The following AHCYL2 variants were observed in gnomAD, a reference collection of about 807,000 sequenced individuals.
The protein encoded by AHCYL2 is adenosylhomocysteinase like 2, also known as S-adenosylhomocysteine hydrolase-like protein 2.
Under a neutral mutation model 81.4 loss-of-function variants are expected in AHCYL2, and 28 were observed. The ratio of observed to expected loss-of-function variants is 0.34; its 90% confidence interval spans 0.25 to 0.47. The LOEUF (loss-of-function observed/expected upper bound fraction) is 0.47. Ranked by LOEUF, AHCYL2 falls within the 20% of genes least tolerant of loss-of-function variation. AHCYL2 has a pLI of 1.00. For synonymous variants in AHCYL2, 272 were observed against 290.2 expected (o/e 0.94, Z 0.64); for missense variants, 551 against 785.1 (o/e 0.70, Z 3.56).
At chr7:129,284,793 A>G (rs941709763) in intron 1 of AHCYL2, among the ~76,000 whole-genome samples, 2 of 152,178 alleles carry the variant, frequency 1.3e-5, no homozygotes, top group Non-Finnish European at 1.5e-5. Context: ...TGGAAATGAA[A>G]AAACTAAAAA....
At chr7:129,298,845 A>G (rs1797142610) in intron 1 of AHCYL2, among the ~76,000 whole-genome samples, 1 of 152,230 alleles carries the variant, frequency 6.6e-6, no homozygotes, top group African/African-American at 2.4e-5. Flanking sequence ...AATAATTATC[A>G]CAATCATTAC....
In AHCYL2 at chr7:129,427,212, T is replaced by C. The variant is rs4728164; in HGVS notation, c.*167T>C. 239,271 of 694,538 alleles carry C rather than the reference T, an allele frequency of 0.34. 44,608 individuals carry two copies. The highest frequency in any genetic ancestry group is 0.59 in the East Asian group (20,542 of 34,768). 43.0% of individuals were successfully genotyped at this position (694,538 alleles called of 1,614,324 possible). A position where few individuals can be genotyped will look rare whatever the true frequency, so the allele number is the denominator to read the frequency against. ...ATTAAAATCAAGAATCCTGTGCCTGTAGTGTTGGCCCAGAGTGTGGTTACT... is the reference window on the plus strand; with the variant it reads ...ATTAAAATCAAGAATCCTGTGCCTGCAGTGTTGGCCCAGAGTGTGGTTACT... On this transcript the variant is annotated 3_prime_UTR_variant, in exon 17 of 17. Coordinates refer to ENST00000325006, the MANE Select transcript of AHCYL2 (RefSeq NM_015328.4). The surrounding 1 kb of genome is among the most constrained non-coding windows in gnomAD (Gnocchi z 5.5).
intron 1 of AHCYL2, among the ~76,000 whole-genome samples, chr7:129,284,458 G>C (rs1796556032): frequency 6.6e-6 from 1 of 152,120 alleles, no homozygotes; most frequent in Non-Finnish European, 1.5e-5. Context: ...AATTAGCTGG[G>C]CATGGTGGCA....
At chr7:129,396,834 C>T (rs1306250890) in intron 4 of AHCYL2, among the ~76,000 whole-genome samples, 2 of 152,224 alleles carry the variant, frequency 1.3e-5, no homozygotes, top group African/African-American at 4.8e-5. Context: ...GTCCTCCCAC[C>T]TCAGCCTTCC....
intron 1 of AHCYL2, among the ~76,000 whole-genome samples, chr7:129,339,655 T>A (rs2150813553): frequency 6.6e-6 from 1 of 151,882 alleles, no homozygotes; most frequent in African/African-American, 2.4e-5. Flanking sequence ...CTTCAGCCTC[T>A]CTGGTAGCTA....
At chr7:129,414,930 T>G (rs1260886721) in intron 12 of AHCYL2, among the ~76,000 whole-genome samples, 1 of 152,188 alleles carries the variant, frequency 6.6e-6, no homozygotes, top group Non-Finnish European at 1.5e-5. Context: ...GAGAGCTTAT[T>G]GGATAATATT....
chr7:129,405,239 AGTT>A, intron 8 of AHCYL2, 26 bp downstream of exon 8: 2 of 1,536,298 alleles, frequency 1.3e-6, no homozygotes, highest in Non-Finnish European at 1.8e-6. Flanking sequence ...TTTGAGATGA[AGTT>A]GTGATGTCCA....
intron 1 of AHCYL2, among the ~76,000 whole-genome samples, chr7:129,293,532 G>C (rs891493468): frequency 1.3e-5 from 2 of 151,864 alleles, no homozygotes; most frequent in African/African-American, 4.8e-5. Flanking sequence ...AAAAAAATTA[G>C]CTGGGCATGG....
chr7:129,292,338 A>T (rs777768628), intron 1 of AHCYL2, among the ~76,000 whole-genome samples: 1 of 152,252 alleles, frequency 6.6e-6, no homozygotes, highest in South Asian at 2.1e-4. Context: ...GCACTATAAT[A>T]ATCAGCAGTT....
At chr7:129,259,993 T>A (rs1190210797) in intron 1 of AHCYL2, among the ~76,000 whole-genome samples, 1 of 151,894 alleles carries the variant, frequency 6.6e-6, no homozygotes, top group Non-Finnish European at 1.5e-5. Context: ...GGAGAATCGC[T>A]TGAACCCAGG....
rs116971278 is a variant in AHCYL2, at chr7:129,286,522, A to G, written c.363+61083A>G. Among the ~76,000 whole-genome samples, 981 of 152,272 alleles carry G rather than the reference A, an allele frequency of 6.4e-3. 9 individuals carry two copies. Among genetic ancestry groups the G allele is most frequent in the Non-Finnish European group, 0.01 (684 of 68,026 alleles). The stretch of plus-strand genomic sequence containing the variant: ...ATCACCCAGGCTGGAGTGCAGTGGC[A>G]TGCGCTTAGCTCACTACAACCTCCA... On this transcript the variant is annotated intron_variant, in intron 1 of 16. Coordinates refer to ENST00000325006, the MANE Select transcript of AHCYL2 (RefSeq NM_015328.4).
At chr7:129,316,019 A>G (rs1330834525) in intron 1 of AHCYL2, among the ~76,000 whole-genome samples, 1 of 152,210 alleles carries the variant, frequency 6.6e-6, no homozygotes, top group Admixed American at 6.5e-5. Context: ...GAGAGACTTG[A>G]CAGAAATGGC....
At chr7:129,379,930 G>T (rs1190356849) in intron 2 of AHCYL2, among the ~76,000 whole-genome samples, 181 bp downstream of exon 2, 1 of 152,208 alleles carries the variant, frequency 6.6e-6, no homozygotes, top group Non-Finnish European at 1.5e-5. Flanking sequence ...GCAATTCAGA[G>T]TGGAGCTTAA....
chr7:129,382,858 A>T (rs1283299114), intron 2 of AHCYL2, among the ~76,000 whole-genome samples: 5 of 152,290 alleles, frequency 3.3e-5, no homozygotes, highest in South Asian at 4.1e-4. Context: ...GTGAGCCAAG[A>T]TCATGCCATT....
In AHCYL2 at chr7:129,426,293, T is replaced by A; in HGVS notation, c.1709-150T>A. 1 of 1,154,858 alleles carries A rather than the reference T, an allele frequency of 8.7e-7. No individual in the cohort carries two copies. The highest frequency in any genetic ancestry group is 1.3e-5 in the South Asian group (1 of 74,968). The allele number at this position is 1,154,858 out of a possible 1,614,324, so 71.5% of individuals were successfully genotyped here. A position where few individuals can be genotyped will look rare whatever the true frequency, so the allele number is the denominator to read the frequency against. ...AGCTGAAGGCAGCTATTCCTTAGAA[T>A]TGAGGACCAGTGAGCGAAGGTTGAA... On this transcript the variant is annotated intron_variant, in intron 15 of 16. Transcript: ENST00000325006. This position sits in a 1 kb window ranked among gnomAD's most constrained non-coding sequence, Gnocchi z 4.3.
intron 1 of AHCYL2, among the ~76,000 whole-genome samples, chr7:129,376,303 CATGTT>C (rs1453076401): frequency 6.6e-6 from 1 of 152,190 alleles, no homozygotes; most frequent in Non-Finnish European, 1.5e-5. Context: ...CCACTTAACT[CATGTT>C]CTGGTCGTCA....
chr7:129,281,012 C>T (rs1434404153), intron 1 of AHCYL2, among the ~76,000 whole-genome samples: 5 of 151,768 alleles, frequency 3.3e-5, no homozygotes, highest in African/African-American at 9.7e-5. Context: ...TACAGGCGCC[C>T]GCCACCATGC....
At chr7:129,243,127 TCTC>T (rs1225480985) in intron 1 of AHCYL2, among the ~76,000 whole-genome samples, 3 of 151,312 alleles carry the variant, frequency 2.0e-5, no homozygotes, top group East Asian at 1.9e-4. Flanking sequence ...TTCAAGCAAT[TCTC>T]CTGCCTCAGC....
intron 1 of AHCYL2, among the ~76,000 whole-genome samples, chr7:129,239,692 C>T (rs139799873): frequency 6.6e-6 from 1 of 152,240 alleles, no homozygotes; most frequent in Admixed American, 6.5e-5. Context: ...TGGAAACTTA[C>T]AGTAAAACCT....
Sources: gnomAD v4.1 joint callset for allele counts (sites outside exome capture counted in the v4.1 genomes callset) on GRCh38, gnomAD v4.1.1 for gene constraint, Gnocchi (gnomAD v3.1) non-coding constraint, MANE v1.5 for transcripts, NCBI Gene and HGNC (gene_info 2026-07-23, HGNC 2026-07-21) for gene names.